The following FAM222A variants were observed in gnomAD, a reference collection of about 807,000 sequenced individuals.
FAM222A encodes family with sequence similarity 222 member A.
In FAM222A, 7 loss-of-function variants were observed where a neutral mutation model predicts 25.8. That is an observed-to-expected ratio of 0.27 (90% CI 0.15 to 0.51). FAM222A has a LOEUF of 0.51. Ranked by LOEUF, FAM222A falls within the 20% of genes least tolerant of loss-of-function variation. The pLI is 0.97. For missense variants in FAM222A, 573 were observed against 640.5 expected, an observed-to-expected ratio of 0.89 and a Z score of 1.14; for synonymous variants, 294 against 298.8, an observed-to-expected ratio of 0.98 and a Z score of 0.17.
chr12:109,729,081 A>T (rs551937489), intron 1 of FAM222A, among the ~76,000 whole-genome samples: 44 of 152,094 alleles, frequency 2.9e-4, no homozygotes, highest in Non-Finnish European at 5.7e-4. Context: ...CAGGGTGGAA[A>T]ACTCAGGTAC....
intron 1 of FAM222A, among the ~76,000 whole-genome samples, chr12:109,730,764 C>A (rs1168335957): frequency 1.3e-5 from 2 of 152,168 alleles, no homozygotes; most frequent in Non-Finnish European, 2.9e-5. Context: ...CTCTCACTCT[C>A]AAGGCACACT....
At chr12:109,744,986 G>A (rs997082813) in intron 2 of FAM222A, among the ~76,000 whole-genome samples, 5 of 151,894 alleles carry the variant, frequency 3.3e-5, no homozygotes, top group Admixed American at 6.6e-5. Context: ...CCCAGGATCC[G>A]TTGCCATTTA....
Position 109,714,203 on chromosome 12 carries a change from C to T in FAM222A, c.-741C>T. ...GCATCCGAGCTTGCGTCGCCCGCTG[C>T]CGCCGCCGCCGCCGCTGCCGCCGCC... On this transcript the variant is annotated 5_prime_UTR_variant, in exon 1 of 3. Transcript: ENST00000538780. The surrounding 1 kb of genome is among the most constrained non-coding windows in gnomAD (Gnocchi z 4.2). 1 of 197,958 alleles carries T rather than the reference C, an allele frequency of 5.1e-6. No individual in the cohort carries two copies. Among genetic ancestry groups the T allele is most frequent in the South Asian group, 6.4e-5 (1 of 15,648 alleles). 12.3% of individuals were successfully genotyped at this position (197,958 alleles called of 1,614,324 possible).
At chr12:109,720,204 G>A in intron 1 of FAM222A, 1 of 984,300 alleles carries the variant, frequency 1.0e-6, no homozygotes, top group Non-Finnish European at 1.2e-6. Context: ...GGGGGCCCCT[G>A]CTATTGTGCA....
At chr12:109,740,034 G>A (rs770438220) in intron 1 of FAM222A, among the ~76,000 whole-genome samples, 5 of 152,204 alleles carry the variant, frequency 3.3e-5, no homozygotes, top group Non-Finnish European at 7.3e-5. Flanking sequence ...AGGCGAGGGC[G>A]AGATGACAAA....
chr12:109,760,889 C>T (rs1025537058), intron 2 of FAM222A, among the ~76,000 whole-genome samples: 1 of 152,168 alleles, frequency 6.6e-6, no homozygotes, highest in African/African-American at 2.4e-5. Context: ...ATGCCACCCT[C>T]AGCAGCTCAG....
intron 2 of FAM222A, 117 bp from the exon 3 acceptor site, chr12:109,767,895 A>T (rs1170888902): frequency 9.7e-7 from 1 of 1,028,402 alleles, no homozygotes; most frequent in Non-Finnish European, 1.4e-6. Context: ...AAAAATGTAG[A>T]AGGAATAAGG....
intron 1 of FAM222A, among the ~76,000 whole-genome samples, chr12:109,721,012 T>C (rs1887736067): frequency 6.6e-6 from 1 of 152,170 alleles, no homozygotes; most frequent in African/African-American, 2.4e-5. Flanking sequence ...ATTGAATACT[T>C]TTGCCTATTA....
chr12:109,719,346 C>T (rs570641933), intron 1 of FAM222A, among the ~76,000 whole-genome samples: 1 of 152,316 alleles, frequency 6.6e-6, no homozygotes, highest in South Asian at 2.1e-4. Context: ...CATTGGCAGC[C>T]AGAGATGGGA....
intron 1 of FAM222A, among the ~76,000 whole-genome samples, chr12:109,724,839 A>G (rs1887812133): frequency 6.6e-6 from 1 of 152,120 alleles, no homozygotes; most frequent in Non-Finnish European, 1.5e-5. Context: ...TGAATGAATG[A>G]ATGAACGAGT....
chr12:109,717,741 CG>C (rs1157871408), intron 1 of FAM222A, among the ~76,000 whole-genome samples: 1 of 152,200 alleles, frequency 6.6e-6, no homozygotes, highest in Non-Finnish European at 1.5e-5. Context: ...GTGGCCACCT[CG>C]GTTCTGGGGG....
intron 1 of FAM222A, among the ~76,000 whole-genome samples, chr12:109,739,667 G>A (rs1260342264): frequency 6.6e-6 from 1 of 152,166 alleles, no homozygotes; most frequent in African/African-American, 2.4e-5. Context: ...CTGGGGAGAA[G>A]CAGACCCTTG....
intron 1 of FAM222A, among the ~76,000 whole-genome samples, chr12:109,740,492 A>G (rs1380745819): frequency 1.3e-5 from 2 of 152,120 alleles, no homozygotes; most frequent in Non-Finnish European, 1.5e-5. Context: ...GGGGGTAATG[A>G]GTCCAGGCGG....
chr12:109,744,702 C>T, intron 2 of FAM222A: 7 of 985,404 alleles, frequency 7.1e-6, no homozygotes, highest in South Asian at 4.7e-5. Flanking sequence ...GGGGTCTGTT[C>T]TCACTATCTA....
chr12:109,744,727 A>G, intron 2 of FAM222A: 5 of 985,308 alleles, frequency 5.1e-6, no homozygotes, highest in Admixed American at 6.1e-5. Flanking sequence ...CAGGATCTGA[A>G]ACGCTCTGAT....
At chr12:109,744,072 T>G in intron 1 of FAM222A, 29 bp from the exon 2 acceptor site, 1 of 1,561,738 alleles carries the variant, frequency 6.4e-7, no homozygotes, top group Non-Finnish European at 8.7e-7. Context: ...AGCCCCCAAG[T>G]GACAGAGCAC....
chr12:109,756,512 C>T (rs1888735825), intron 2 of FAM222A, among the ~76,000 whole-genome samples: 1 of 150,984 alleles, frequency 6.6e-6, no homozygotes, highest in Non-Finnish European at 1.5e-5. Flanking sequence ...AGTCTTTTAC[C>T]GTGAAGTATG....
intron 2 of FAM222A, among the ~76,000 whole-genome samples, chr12:109,763,137 G>C (rs761050508): frequency 6.6e-6 from 1 of 152,234 alleles, no homozygotes; most frequent in Non-Finnish European, 1.5e-5. Context: ...TAGGGAAGAG[G>C]AGGGCCTCAT....
rs77798629 is a variant in FAM222A, at chr12:109,768,827, C to T, written c.898C>T (p.Leu300=). The T allele has an allele frequency of 3.4e-5, 54 of 1,578,120 alleles. No homozygotes were observed. Among genetic ancestry groups the T allele is most frequent in the Non-Finnish European group, 4.4e-5 (51 of 1,168,670 alleles). The change falls in exon 3 of 3, where the codon CTG becomes TTG. Residue 300 remains leucine, a synonymous_variant. Coordinates refer to ENST00000538780, the MANE Select transcript of FAM222A (RefSeq NM_032829.3). ...ACCGCCCCCACCGCCGCCCCAGCCA[C>T]TGCGTGCCTACAGTGGGAGCACGGT... ...QKPPPPPPQP[L]RAYSGSTVAS...
Sources: allele counts gnomAD v4.1 joint callset (sites outside exome capture counted in the v4.1 genomes callset), GRCh38; gene constraint gnomAD v4.1.1; non-coding constraint Gnocchi (gnomAD v3.1); transcripts MANE v1.5; gene names NCBI Gene and HGNC (gene_info 2026-07-23, HGNC 2026-07-21).